Variants in PTPRT observed in about 807,000 individuals in gnomAD.
PTPRT encodes receptor-type tyrosine-protein phosphatase T.
PTPRT carries 56 observed loss-of-function variants against 176.8 expected under a neutral mutation model. The observed-to-expected ratio is 0.32, with a 90% CI of 0.26 to 0.40. The LOEUF (loss-of-function observed/expected upper bound fraction) is 0.40. PTPRT is among the 10% of genes least tolerant of loss of function. The probability of loss-of-function intolerance (pLI) is 1.00; values close to 1 mark genes in which losing one functional copy is unlikely to be tolerated. For missense variants in PTPRT, 1,540 were observed against 1,908.2 expected, an observed-to-expected ratio of 0.81 and a Z score of 3.60; for synonymous variants, 783 against 739.0, an observed-to-expected ratio of 1.06 and a Z score of -0.96.
intron 1 of PTPRT, among the ~76,000 whole-genome samples, chr20:43,184,874 T>C (rs2015352259): frequency 6.6e-6 from 1 of 152,126 alleles, no homozygotes; most frequent in South Asian, 2.1e-4. Flanking sequence ...TACCAATAGA[T>C]AATAAATAAA....
intron 13 of PTPRT, among the ~76,000 whole-genome samples, chr20:42,274,592 T>TGTGC (rs2056997091): frequency 7.2e-6 from 1 of 138,172 alleles, no homozygotes; most frequent in Non-Finnish European, 1.6e-5. Flanking sequence ...TGTGTGTGTG[T>TGTGC]TAGCCTGCAA....
At chr20:42,470,805 T>C (rs2071180747) in intron 8 of PTPRT, among the ~76,000 whole-genome samples, 1 of 151,790 alleles carries the variant, frequency 6.6e-6, no homozygotes, top group Non-Finnish European at 1.5e-5. Flanking sequence ...ATGGCATGGG[T>C]AAGGACAGAG....
intron 13 of PTPRT, among the ~76,000 whole-genome samples, chr20:42,264,474 A>G (rs2056805888): frequency 6.6e-6 from 1 of 152,204 alleles, no homozygotes; most frequent in African/African-American, 2.4e-5. Flanking sequence ...CCTTACAGCC[A>G]TATGAGTAGT....
At chr20:42,517,861 T>A (rs569468918) in intron 7 of PTPRT, among the ~76,000 whole-genome samples, 4 of 151,950 alleles carry the variant, frequency 2.6e-5, no homozygotes, top group Non-Finnish European at 5.9e-5. Flanking sequence ...ACAGATTGAG[T>A]TGAGGATTCA....
chr20:42,123,030 A>T (rs1348841995), intron 19 of PTPRT, among the ~76,000 whole-genome samples: 1 of 152,092 alleles, frequency 6.6e-6, no homozygotes, highest in East Asian at 1.9e-4. Context: ...TGCTGCAGTA[A>T]ATTTTTTTGT....
In PTPRT at chr20:42,077,490, G is replaced by A; in HGVS notation, c.*3389C>T. The A allele has an allele frequency of 4.5e-6, 1 of 222,052 alleles. No homozygotes were observed. The highest frequency in any genetic ancestry group is 9.0e-6 in the Non-Finnish European group (1 of 110,918). The allele number at this position is 222,052 out of a possible 1,614,324, so 13.8% of individuals were successfully genotyped here. Reference sequence around the variant, plus strand: ...TAATATTTTCCTCTGCTCATGACAGGCTGAGCTCACCCTGTAAATGGGGTG... The same window carrying A: ...TAATATTTTCCTCTGCTCATGACAGACTGAGCTCACCCTGTAAATGGGGTG... On this transcript the variant is annotated 3_prime_UTR_variant, in exon 31 of 31. Coordinates refer to ENST00000373187, the MANE Select transcript of PTPRT (RefSeq NM_007050.6).
rs564031068 is a variant in PTPRT, at chr20:42,789,249, G to C, written c.486+1946C>G. Among the ~76,000 whole-genome samples, 5 of 152,322 alleles carry C rather than the reference G, an allele frequency of 3.3e-5. No homozygotes were observed. In the South Asian group the frequency reaches 8.3e-4, roughly 25 times the overall value. On this transcript the variant is annotated intron_variant, in intron 3 of 30. Coordinates refer to ENST00000373187, the MANE Select transcript of PTPRT (RefSeq NM_007050.6). ...GTTTAGATTGATTACATGTCCAAGT[G>C]ATAGTATTTTGGATACGTTGGTTTA...
At chr20:42,519,574 T>C (rs565507759) in intron 7 of PTPRT, among the ~76,000 whole-genome samples, 21 of 152,138 alleles carry the variant, frequency 1.4e-4, no homozygotes, top group Non-Finnish European at 2.6e-4. Flanking sequence ...CTACATTTAA[T>C]AGGGCTATAT....
At chr20:42,098,161 A>G (rs1276087293) in intron 27 of PTPRT, among the ~76,000 whole-genome samples, 2 of 152,112 alleles carry the variant, frequency 1.3e-5, no homozygotes, top group African/African-American at 4.8e-5. Context: ...TGCTTGTGAG[A>G]TGGAGCAACA....
chr20:43,099,599 C>A (rs902118890), intron 1 of PTPRT, among the ~76,000 whole-genome samples: 2 of 152,188 alleles, frequency 1.3e-5, no homozygotes, highest in African/African-American at 4.8e-5. Context: ...TCCATCCCTA[C>A]CTCCTAATTT....
chr20:43,188,117 C>A, intron 1 of PTPRT, among the ~76,000 whole-genome samples: 1 of 152,160 alleles, frequency 6.6e-6, no homozygotes, highest in East Asian at 1.9e-4. Flanking sequence ...GATATAAAAT[C>A]TGAGTCACGA....
chr20:42,795,775 T>G (rs1198180520), intron 2 of PTPRT, among the ~76,000 whole-genome samples: 1 of 152,252 alleles, frequency 6.6e-6, no homozygotes, highest in Admixed American at 6.5e-5. Flanking sequence ...GTTGTGTGAC[T>G]TTGAGCAAGT....
intron 16 of PTPRT, among the ~76,000 whole-genome samples, chr20:42,165,236 T>A (rs1045941049): frequency 3.9e-5 from 6 of 152,154 alleles, no homozygotes; most frequent in African/African-American, 1.4e-4. Context: ...TTTAGTCACA[T>A]ATTTCCATCA....
chr20:42,688,167 A>T (rs975283371), intron 6 of PTPRT: 1 of 152,216 alleles, frequency 6.6e-6, no homozygotes, highest in Non-Finnish European at 1.5e-5. Context: ...ATGCTGGAAG[A>T]AGGAAGAAGA....
intron 13 of PTPRT, among the ~76,000 whole-genome samples, chr20:42,267,700 T>C (rs918274940): frequency 1.3e-4 from 20 of 152,122 alleles, no homozygotes; most frequent in African/African-American, 4.6e-4. Flanking sequence ...GACAGCCCCC[T>C]GCCACCGGCC....
chr20:43,042,703 A>T (rs1555822418), intron 1 of PTPRT, among the ~76,000 whole-genome samples: 1 of 118,652 alleles, frequency 8.4e-6, no homozygotes, highest in Non-Finnish European at 1.8e-5. Flanking sequence ...GCATTCTTCC[A>T]CCCACCCTCC....
At chr20:42,314,957 G>T (rs1035041450) in intron 12 of PTPRT, among the ~76,000 whole-genome samples, 1 of 152,148 alleles carries the variant, frequency 6.6e-6, no homozygotes, top group Non-Finnish European at 1.5e-5. Context: ...TTGTAGTATG[G>T]ATAGAACCAT....
At chr20:43,111,830 C>G (rs747532141) in intron 1 of PTPRT, among the ~76,000 whole-genome samples, 1 of 152,154 alleles carries the variant, frequency 6.6e-6, no homozygotes, top group African/African-American at 2.4e-5. Context: ...CTGGAGTGGG[C>G]AAGTCAGCTT....
At chr20:42,921,370 C>T (rs484922) in intron 1 of PTPRT, among the ~76,000 whole-genome samples, 1 of 152,142 alleles carries the variant, frequency 6.6e-6, no homozygotes, top group African/African-American at 2.4e-5. Context: ...TAGACTTCCA[C>T]ACAGTGAGAT....
Sources: gnomAD v4.1 joint callset for allele counts (sites outside exome capture counted in the v4.1 genomes callset) on GRCh38, gnomAD v4.1.1 for gene constraint, MANE v1.5 for transcripts, NCBI Gene and HGNC (gene_info 2026-07-23, HGNC 2026-07-21) for gene names.